Variants in ST3GAL3 observed in about 807,000 individuals in gnomAD.
The protein encoded by ST3GAL3 is CMP-N-acetylneuraminate-beta-1,4-galactoside alpha-2,3-sialyltransferase.
Under a neutral mutation model 50.1 loss-of-function variants are expected in ST3GAL3, and 21 were observed. The observed-to-expected ratio is 0.42, with a 90% CI of 0.30 to 0.60. The LOEUF (loss-of-function observed/expected upper bound fraction) is 0.60. ST3GAL3 is among the 20% of genes least tolerant of loss of function. The pLI, the probability that ST3GAL3 is intolerant of heterozygous loss-of-function variation, is 0.19. For missense variants in ST3GAL3, 353 were observed against 489.4 expected, an observed-to-expected ratio of 0.72 and a Z score of 2.63; for synonymous variants, 183 against 190.0, an observed-to-expected ratio of 0.96 and a Z score of 0.30.
chr1:43,779,378 T>C (rs12083110), intron 2 of ST3GAL3, among the ~76,000 whole-genome samples: 41,097 of 152,156 alleles, frequency 0.27, 5,777 homozygotes, highest in Middle Eastern at 0.31. Flanking sequence ...GTTACTTTAG[T>C]GTTTGTTCGT....
At chr1:43,912,032 T>G (rs141585965) in intron 9 of ST3GAL3, 1 of 152,334 alleles carries the variant, frequency 6.6e-6, no homozygotes, top group African/African-American at 2.4e-5. Flanking sequence ...ACACGTGATA[T>G]GTGTGTAATA....
At chr1:43,720,135 A>G (rs1021018841) in intron 1 of ST3GAL3, among the ~76,000 whole-genome samples, 3 of 152,046 alleles carry the variant, frequency 2.0e-5, no homozygotes, top group East Asian at 1.9e-4. Flanking sequence ...AAGCTGAAGC[A>G]GGAAGATCGC....
At chr1:43,750,512 G>A (rs1685620379) in intron 2 of ST3GAL3, among the ~76,000 whole-genome samples, 1 of 152,086 alleles carries the variant, frequency 6.6e-6, no homozygotes, top group African/African-American at 2.4e-5. Context: ...CTAAATTAAA[G>A]TACTAGAAAA....
intron 1 of ST3GAL3, among the ~76,000 whole-genome samples, chr1:43,732,289 A>G: frequency 6.6e-6 from 1 of 152,204 alleles, no homozygotes; most frequent in South Asian, 2.1e-4. Flanking sequence ...CAGCTGATAA[A>G]AGACACTGCC....
chr1:43,743,598 G>A (rs562637139), intron 2 of ST3GAL3: 4 of 342,098 alleles, frequency 1.2e-5, no homozygotes, highest in Admixed American at 3.3e-5. Context: ...TGTCAGTGAG[G>A]CAGATCAGAT....
rs898050968 is a variant in ST3GAL3, at chr1:43,791,135, A to C, written c.119-967A>C. Among the ~76,000 whole-genome samples the C allele has an allele frequency of 2.0e-5, 3 of 152,310 alleles. No individual in the cohort carries two copies. In the South Asian group the frequency reaches 6.2e-4, roughly 32 times the overall value. On this transcript the variant is annotated intron_variant, in intron 2 of 11. Transcript: ENST00000347631. ...GACCCTCACTTATCCTTCAGCTATG[A>C]GTTCAAGCGTCACTTCTTCAGAGAT...
At chr1:43,715,423 A>C (rs1666885603) in intron 1 of ST3GAL3, among the ~76,000 whole-genome samples, 1 of 152,064 alleles carries the variant, frequency 6.6e-6, no homozygotes, top group Non-Finnish European at 1.5e-5. Context: ...AAAATACAAA[A>C]AAATTAGCCA....
intron 1 of ST3GAL3, among the ~76,000 whole-genome samples, chr1:43,732,988 T>C (rs550760298): frequency 6.6e-6 from 1 of 152,158 alleles, no homozygotes; most frequent in Admixed American, 6.5e-5. Flanking sequence ...TACTTTTTTT[T>C]TTTTTTTTAA....
rs77198629 is a variant in ST3GAL3, at chr1:43,775,098, C to T, written c.119-17004C>T. On this transcript the variant is annotated intron_variant, in intron 2 of 11. Coordinates refer to ENST00000347631, the MANE Select transcript of ST3GAL3 (RefSeq NM_006279.5). ...CGCGTTCTCTTTCCTAGTGTAAGAG[C>T]GAGAACCAGCTAACTTAATCCATGA... Among the ~76,000 whole-genome samples the T allele has an allele frequency of 5.5e-3, 830 of 152,210 alleles. 6 individuals are homozygous for T. Among genetic ancestry groups the T allele is most frequent in the Admixed American group, 7.7e-3 (117 of 15,294 alleles).
intron 1 of ST3GAL3, among the ~76,000 whole-genome samples, chr1:43,735,437 AG>A (rs1395329342): frequency 6.6e-6 from 1 of 152,230 alleles, no homozygotes; most frequent in Non-Finnish European, 1.5e-5. Context: ...AAAGAGTGAG[AG>A]AGCCTGAAGG....
intron 9 of ST3GAL3, among the ~76,000 whole-genome samples, chr1:43,917,631 A>ATATAT (rs1312764567): frequency 0.015 from 893 of 59,056 alleles, 27 homozygotes; most frequent in African/African-American, 0.058. Context: ...ATTATATATA[A>ATATAT]TATATAATAT....
At chr1:43,878,891 G>A in intron 5 of ST3GAL3, 2 of 373,772 alleles carry the variant, frequency 5.4e-6, no homozygotes, top group Non-Finnish European at 1.1e-5. Context: ...TAAGTACTGG[G>A]GGGCATGACA....
intron 2 of ST3GAL3, among the ~76,000 whole-genome samples, chr1:43,748,423 A>ATTTTTTTTTTTTT (rs1215322512): frequency 9.0e-6 from 1 of 111,138 alleles, no homozygotes; most frequent in Non-Finnish European, 1.8e-5. Flanking sequence ...AACAGCCCCC[A>ATTTTTTTTTTTTT]TTTTTTTTTT....
At chr1:43,918,855 C>A (rs1462061193) in intron 9 of ST3GAL3, among the ~76,000 whole-genome samples, 1 of 151,916 alleles carries the variant, frequency 6.6e-6, no homozygotes. Flanking sequence ...TAAGTCATCT[C>A]TTTATATCAG....
rs182041910 is a variant in ST3GAL3, at chr1:43,732,511, G to A, written c.-30-3722G>A. Among the ~76,000 whole-genome samples, 344 of 152,218 alleles carry A rather than the reference G, an allele frequency of 2.3e-3. 4 individuals are homozygous for A. The highest frequency in any genetic ancestry group is 3.6e-3 in the Non-Finnish European group (248 of 68,018). On this transcript the variant is annotated intron_variant, in intron 1 of 11. Transcript: ENST00000347631. ...TGAAGGGTAGAAATAGCTTCCTGCCGTTTCTAGTCCCTGGCTGCTTCACCA... is the reference window on the plus strand; with the variant it reads ...TGAAGGGTAGAAATAGCTTCCTGCCATTTCTAGTCCCTGGCTGCTTCACCA...
rs1391770560 is a variant in ST3GAL3, at chr1:43,744,692, TA to T, written c.118+8316del. On this transcript the variant is annotated intron_variant, in intron 2 of 11. Transcript: ENST00000347631. Reference sequence around the variant, plus strand: ...TAAATAAATAAATAAATAAATAAAATAAAATAAAAAATAAAATAAAATATAA... The same window carrying T: ...TAAATAAATAAATAAATAAATAAAATAAATAAAAAATAAAATAAAATATAA... Among the ~76,000 whole-genome samples, 27 of 74,024 alleles carry T rather than the reference TA, an allele frequency of 3.6e-4. No homozygotes were observed. The South Asian group carries it at 6.0e-3, about 16-fold the overall frequency. The allele number at this position is 74,024 out of a possible 152,430, so 48.6% of individuals were successfully genotyped here. A position where few individuals can be genotyped will look rare whatever the true frequency, so the allele number is the denominator to read the frequency against.
At position 43,828,729 on chromosome 1, in the gene ST3GAL3, T is replaced by TAA. The variant is rs554210304; in HGVS notation, c.210-9482_210-9481dup. 6.2e-3 allele frequency among the ~76,000 whole-genome samples: 939 copies of TAA among 150,736 alleles called. 8 individuals carry two copies. The highest frequency in any genetic ancestry group is 8.1e-3 in the Non-Finnish European group (547 of 67,582). On this transcript the variant is annotated intron_variant, in intron 4 of 11. Coordinates refer to ENST00000347631, the MANE Select transcript of ST3GAL3 (RefSeq NM_006279.5). ...ATACTATCACACCTATTAGAATGAC[T>TAA]AAAAAAAAACCAAAAAACCTGACAG...
At chr1:43,884,051 A>G (rs1272425337) in intron 5 of ST3GAL3, among the ~76,000 whole-genome samples, 1 of 152,202 alleles carries the variant, frequency 6.6e-6, no homozygotes, top group African/African-American at 2.4e-5. Context: ...ACCTGTCTCT[A>G]TCACTAGCTT....
chr1:43,719,534 G>A (rs1454301263), intron 1 of ST3GAL3, among the ~76,000 whole-genome samples: 3 of 151,546 alleles, frequency 2.0e-5, no homozygotes, highest in African/African-American at 4.9e-5. Context: ...GTGTGGTGGC[G>A]GGTGCCTGTA....
Sources: gnomAD v4.1 joint callset for allele counts (sites outside exome capture counted in the v4.1 genomes callset) on GRCh38, gnomAD v4.1.1 for gene constraint, MANE v1.5 for transcripts, NCBI Gene and HGNC (gene_info 2026-07-23, HGNC 2026-07-21) for gene names.